The following B4GALNT3 variants were observed in gnomAD, a reference collection of about 807,000 sequenced individuals.
B4GALNT3 encodes the protein beta-1,4-N-acetylgalactosaminyltransferase 3.
B4GALNT3 carries 86 observed loss-of-function variants against 120.2 expected under a neutral mutation model. The ratio of observed to expected loss-of-function variants is 0.72; its 90% confidence interval spans 0.60 to 0.86. The LOEUF (loss-of-function observed/expected upper bound fraction) is 0.86. Ranked by LOEUF, B4GALNT3 falls within the 40% of genes least tolerant of loss-of-function variation. The pLI is 0.00. For missense variants in B4GALNT3, 1,167 were observed against 1,298.9 expected (o/e 0.90, Z 1.56); for synonymous variants, 518 against 510.4 (o/e 1.01, Z -0.20).
chr12:511,406 T>TCCTTCCACCTTCCA (rs143525841), intron 1 of B4GALNT3, among the ~76,000 whole-genome samples: 1 of 70,758 alleles, frequency 1.4e-5, no homozygotes, highest in Non-Finnish European at 2.7e-5. Flanking sequence ...TCTTCCACCT[T>TCCTTCCACCTTCCA]CCTTCCACCT....
At chr12:497,422 C>T (rs573538290) in intron 1 of B4GALNT3, among the ~76,000 whole-genome samples, 73 of 152,306 alleles carry the variant, frequency 4.8e-4, no homozygotes, top group African/African-American at 1.6e-3. Context: ...GGATTACAGG[C>T]GTGAGCCACT....
intron 4 of B4GALNT3, 28 bp downstream of exon 4, chr12:544,462 C>T: frequency 6.3e-7 from 1 of 1,586,604 alleles, no homozygotes; most frequent in Non-Finnish European, 8.7e-7. Context: ...GCCTTGCCCA[C>T]CTCCCTCCAC....
chr12:533,920 C>T (rs1488349515), intron 1 of B4GALNT3, among the ~76,000 whole-genome samples: 2 of 152,300 alleles, frequency 1.3e-5, no homozygotes, highest in East Asian at 1.9e-4. Context: ...AGCCCATATT[C>T]GTGGGTGGTG....
chr12:543,245 A>G, intron 3 of B4GALNT3: 1 of 1,264,072 alleles, frequency 7.9e-7, no homozygotes, highest in Non-Finnish European at 1.0e-6. Context: ...TGGGAATGGG[A>G]TAGAGTGGGC....
At position 549,791 on chromosome 12, in the gene B4GALNT3, T is replaced by G. The variant is rs774404654; in HGVS notation, c.876T>G (p.Asp292Glu). 4.3e-6 allele frequency: 7 copies of G among 1,613,736 alleles called. No individual in the cohort carries two copies. Among genetic ancestry groups the G allele is most frequent in the Non-Finnish European group, 4.2e-6 (5 of 1,180,022 alleles). ...CAGATGAGACGTTCCTACAGATGGA[T>G]GAGGTGGGCCACATCCCACAGACAG... ...LFTNETFLQM[D>E]EVGHIPQTAA... Residue 292 changes from aspartate to glutamate, a missense_variant, in exon 10 of 20, where the codon GAT becomes GAG. Asp to Glu is a conservative substitution (Grantham distance 45). Coordinates refer to ENST00000266383, the MANE Select transcript of B4GALNT3 (RefSeq NM_173593.4).
intron 1 of B4GALNT3, among the ~76,000 whole-genome samples, chr12:510,809 C>T (rs1187784520): frequency 6.6e-6 from 1 of 151,954 alleles, no homozygotes; most frequent in Non-Finnish European, 1.5e-5. Flanking sequence ...GTCGGCCAGC[C>T]TCAGATTCTC....
chr12:548,375 A>G lies in B4GALNT3; in HGVS notation c.853+78A>G. The stretch of plus-strand genomic sequence containing the variant: ...ACCCTGGGGGATTTGGCAGGGGAGG[A>G]GGGGAGGAGGGGAGGAAGGAAGCTC... On this transcript the variant is annotated intron_variant, in intron 9 of 19. Transcript: ENST00000266383. The surrounding 1 kb of genome is among the most constrained non-coding windows in gnomAD (Gnocchi z 4.9). 1 of 1,350,326 alleles carries G rather than the reference A, an allele frequency of 7.4e-7. No homozygotes were observed. The highest frequency in any genetic ancestry group is 1.1e-6 in the Non-Finnish European group (1 of 947,670). 83.6% of individuals were successfully genotyped at this position (1,350,326 alleles called of 1,614,324 possible). A position where few individuals can be genotyped will look rare whatever the true frequency, so the allele number is the denominator to read the frequency against.
At chr12:464,045 G>A (rs1470619897) in intron 1 of B4GALNT3, among the ~76,000 whole-genome samples, 1 of 152,228 alleles carries the variant, frequency 6.6e-6, no homozygotes, top group Non-Finnish European at 1.5e-5. Flanking sequence ...GAGTCCCCTT[G>A]TTGAGCCCAA....
At position 522,206 on chromosome 12, in the gene B4GALNT3, T is replaced by C. The variant is rs142393891; in HGVS notation, c.170-12960T>C. Among the ~76,000 whole-genome samples the C allele has an allele frequency of 7.9e-5, 12 of 152,282 alleles. No individual in the cohort carries two copies. In the East Asian group the frequency reaches 2.1e-3, roughly 27 times the overall value. The stretch of plus-strand genomic sequence containing the variant: ...GGCAAGCAAGGGCTCTGAGAGATAT[T>C]TGCACACTCTTGTTCACAGCAGCAT... On this transcript the variant is annotated intron_variant, in intron 1 of 19. Coordinates refer to ENST00000266383, the MANE Select transcript of B4GALNT3 (RefSeq NM_173593.4).
chr12:469,396 G>A (rs1181103109), intron 1 of B4GALNT3, among the ~76,000 whole-genome samples: 2 of 152,162 alleles, frequency 1.3e-5, no homozygotes, highest in Non-Finnish European at 2.9e-5. Context: ...ATAGGAATTA[G>A]AGAATGGCTG....
chr12:488,957 T>C (rs1315817990), intron 1 of B4GALNT3, among the ~76,000 whole-genome samples: 1 of 151,680 alleles, frequency 6.6e-6, no homozygotes, highest in Non-Finnish European at 1.5e-5. Context: ...ATTAAAATGC[T>C]CGCTTAAAAC....
intron 14 of B4GALNT3, among the ~76,000 whole-genome samples, chr12:555,933 A>G (rs7315304): frequency 0.16 from 23,901 of 150,494 alleles, 2,921 homozygotes; most frequent in African/African-American, 0.34. Context: ...ACAGGTGCCC[A>G]CCACCACACC....
At chr12:481,386 G>A (rs950349705) in intron 1 of B4GALNT3, among the ~76,000 whole-genome samples, 5 of 152,226 alleles carry the variant, frequency 3.3e-5, no homozygotes, top group South Asian at 4.1e-4. Context: ...AGGATATGAC[G>A]GGGTAGGCAC....
chr12:540,240 C>T (rs891017600), intron 3 of B4GALNT3, among the ~76,000 whole-genome samples: 4 of 152,198 alleles, frequency 2.6e-5, no homozygotes, highest in African/African-American at 9.7e-5. Context: ...GCCCCTGGCG[C>T]AGGTGACACC....
chr12:533,523 G>A (rs986693738), intron 1 of B4GALNT3, among the ~76,000 whole-genome samples: 18 of 152,184 alleles, frequency 1.2e-4, no homozygotes, highest in East Asian at 3.8e-4. Context: ...AGGCCTCTGC[G>A]CCGGCACTCC....
At chr12:555,311 G>A (rs139905066) in intron 14 of B4GALNT3, 111 of 455,820 alleles carry the variant, frequency 2.4e-4, no homozygotes, top group Middle Eastern at 6.5e-4. Flanking sequence ...TTCCTATTCC[G>A]GACATCTTAT....
At chr12:503,985 C>T (rs905115407) in intron 1 of B4GALNT3, among the ~76,000 whole-genome samples, 9 of 151,972 alleles carry the variant, frequency 5.9e-5, no homozygotes, top group South Asian at 2.1e-4. Context: ...TGTGGTGGCA[C>T]GCGCCTGTAG....
chr12:545,690 T>A (rs71435013), intron 6 of B4GALNT3, among the ~76,000 whole-genome samples: 44,491 of 84,136 alleles, frequency 0.53, 9,192 homozygotes, highest in Middle Eastern at 0.6. Context: ...AGGAGCGAGG[T>A]GTGGGGAGGA....
In B4GALNT3 at chr12:528,314, C is replaced by A. The variant is rs202106673; in HGVS notation, c.170-6852C>A. ...CAGTCATGACACACTACAGCCCGAACCCCTGGGCTCAAGCCATCCTCCCAC... is the reference window on the plus strand; with the variant it reads ...CAGTCATGACACACTACAGCCCGAAACCCTGGGCTCAAGCCATCCTCCCAC... On this transcript the variant is annotated intron_variant, in intron 1 of 19. Coordinates refer to ENST00000266383, the MANE Select transcript of B4GALNT3 (RefSeq NM_173593.4). Among the ~76,000 whole-genome samples, 47 of 152,232 alleles carry A rather than the reference C, an allele frequency of 3.1e-4. No homozygotes were observed. The East Asian group carries it at 7.5e-3, about 24-fold the overall frequency.
Sources: gnomAD v4.1 joint callset for allele counts (sites outside exome capture counted in the v4.1 genomes callset) on GRCh38, gnomAD v4.1.1 for gene constraint, Gnocchi (gnomAD v3.1) non-coding constraint, MANE v1.5 for transcripts, NCBI Gene and HGNC (gene_info 2026-07-23, HGNC 2026-07-21) for gene names.